RANBP9: variants seen among roughly 807,000 people sequenced by gnomAD.
RANBP9 encodes ran-binding protein 9.
In RANBP9, 15 loss-of-function variants were observed where a neutral mutation model predicts 84.3. That is an observed-to-expected ratio of 0.18 (90% CI 0.12 to 0.27). The LOEUF (loss-of-function observed/expected upper bound fraction) is 0.27, where lower values mean the gene tolerates loss of function less well. RANBP9 is among the 10% of genes least tolerant of loss of function. The probability of loss-of-function intolerance (pLI) is 1.00; values close to 1 mark genes in which losing one functional copy is unlikely to be tolerated. For synonymous variants in RANBP9, 392 were observed against 349.6 expected, an observed-to-expected ratio of 1.12 and a Z score of -1.35; for missense variants, 809 against 912.8, an observed-to-expected ratio of 0.89 and a Z score of 1.46.
intron 2 of RANBP9, among the ~76,000 whole-genome samples, chr6:13,662,213 CCATA>C (rs1232207459): frequency 6.6e-6 from 1 of 152,100 alleles, no homozygotes; most frequent in African/African-American, 2.4e-5. Context: ...AATCTATCAT[CCATA>C]CATAATGTGC....
chr6:13,638,030 T>C, intron 9 of RANBP9, 75 bp from the exon 10 acceptor site: 2 of 1,374,814 alleles, frequency 1.5e-6, no homozygotes, highest in Non-Finnish European at 1.9e-6. Context: ...AGTCTCCATG[T>C]TGATTTTGTA....
Position 13,696,950 on chromosome 6 carries a change from T to C in RANBP9, c.572-54A>G. ...GTCACATGAGATATTCACTGAAAGA[T>C]GAAAACCTTAAACAATTCAGGAACA... is the stretch of plus-strand genomic sequence containing the variant. On this transcript the variant is annotated intron_variant, in intron 1 of 13. Transcript: ENST00000011619. The C allele has an allele frequency of 2.1e-6, 3 of 1,427,844 alleles. No homozygotes were observed. In the South Asian group the frequency reaches 3.6e-5, roughly 17 times the overall value. The allele number at this position is 1,427,844 out of a possible 1,614,324, so 88.4% of individuals were successfully genotyped here.
At chr6:13,681,750 T>C (rs993371923) in intron 2 of RANBP9, among the ~76,000 whole-genome samples, 6 of 152,174 alleles carry the variant, frequency 3.9e-5, no homozygotes, top group African/African-American at 1.4e-4. Flanking sequence ...CGATGGCATA[T>C]TTGCTTCCAT....
Position 13,711,624 on chromosome 6 carries a change from C to G in RANBP9, c.-119G>C. ...GCGCCCAGTCCGCCCGCCCCGGAAG[C>G]AGGCGGCGGGCCGCGCGCCCAGGGA... On this transcript the variant is annotated 5_prime_UTR_variant, in exon 1 of 14. Coordinates refer to ENST00000011619, the MANE Select transcript of RANBP9 (RefSeq NM_005493.3). 7 of 1,001,008 alleles carry G rather than the reference C, an allele frequency of 7.0e-6. No individual in the cohort carries two copies. The highest frequency in any genetic ancestry group is 7.6e-6 in the Non-Finnish European group (6 of 793,628). The allele number at this position is 1,001,008 out of a possible 1,614,324, so 62.0% of individuals were successfully genotyped here.
chr6:13,695,164 T>A (rs1766411774), intron 2 of RANBP9, among the ~76,000 whole-genome samples: 1 of 152,080 alleles, frequency 6.6e-6, no homozygotes, highest in Admixed American at 6.6e-5. Context: ...GCAACAGATA[T>A]CTCAAAAAAC....
intron 2 of RANBP9, among the ~76,000 whole-genome samples, chr6:13,691,103 G>A (rs972431036): frequency 3.3e-5 from 5 of 151,412 alleles, no homozygotes; most frequent in Admixed American, 6.6e-5. Flanking sequence ...AGGAGACAGA[G>A]GTTGCAGTGA....
intron 2 of RANBP9, among the ~76,000 whole-genome samples, chr6:13,696,383 C>T (rs539474261): frequency 9.2e-5 from 14 of 152,186 alleles, no homozygotes; most frequent in African/African-American, 3.1e-4. Flanking sequence ...CATTTCCCAG[C>T]TGAAACCTAA....
At chr6:13,668,077 T>C (rs1486666119) in intron 2 of RANBP9, among the ~76,000 whole-genome samples, 1 of 151,586 alleles carries the variant, frequency 6.6e-6, no homozygotes, top group Non-Finnish European at 1.5e-5. Context: ...GCAAGAAAAA[T>C]AAAAGAAGAC....
chr6:13,628,362 A>G (rs1237384032), intron 12 of RANBP9, among the ~76,000 whole-genome samples: 1 of 152,224 alleles, frequency 6.6e-6, no homozygotes, highest in African/African-American at 2.4e-5. Context: ...CACACAGTAC[A>G]TTACTATTGA....
At chr6:13,680,335 A>T (rs1766005393) in intron 2 of RANBP9, among the ~76,000 whole-genome samples, 1 of 152,210 alleles carries the variant, frequency 6.6e-6, no homozygotes, top group Admixed American at 6.5e-5. Flanking sequence ...AGACATAGTC[A>T]AGTAATGGTT....
chr6:13,685,012 T>C (rs1209281926), intron 2 of RANBP9, among the ~76,000 whole-genome samples: 1 of 152,202 alleles, frequency 6.6e-6, no homozygotes, highest in Non-Finnish European at 1.5e-5. Context: ...TCACTAGTGA[T>C]TCCTTCTCCT....
chr6:13,657,638 T>C (rs1407748708), intron 3 of RANBP9, among the ~76,000 whole-genome samples: 1 of 152,184 alleles, frequency 6.6e-6, no homozygotes, highest in Non-Finnish European at 1.5e-5. Flanking sequence ...ACACGTTTTA[T>C]ATAACATAAG....
At chr6:13,703,777 A>G (rs144982083) in intron 1 of RANBP9, among the ~76,000 whole-genome samples, 2,608 of 152,336 alleles carry the variant, frequency 0.017, 80 homozygotes, top group African/African-American at 0.059. Flanking sequence ...AGTCATGACT[A>G]TTAAGACCAG....
chr6:13,639,590 C>T lies in RANBP9; in HGVS notation c.1498G>A (p.Gly500Ser). The T allele has an allele frequency of 6.2e-7, 1 of 1,611,690 alleles. No homozygotes were observed. The highest frequency in any genetic ancestry group is 8.5e-7 in the Non-Finnish European group (1 of 1,177,856). Residue 500 changes from glycine (G) to serine (S), a missense_variant, in exon 9 of 14, where the codon GGC becomes AGC. Gly to Ser is a moderately conservative substitution (Grantham distance 56, BLOSUM62 0). Coordinates refer to ENST00000011619, the MANE Select transcript of RANBP9 (RefSeq NM_005493.3). ...HGMNIHNLAS[G>S]KGSTAHFSGF... is the part of the protein sequence containing the mutation. ...GAAAAATGTGCGGTGCTTCCTTTGC[C>T]TGATGCTAAATTGTGGATATTCATT... is the stretch of plus-strand genomic sequence containing the variant.
intron 1 of RANBP9, among the ~76,000 whole-genome samples, chr6:13,700,929 G>A (rs992489880): frequency 2.0e-5 from 3 of 152,122 alleles, no homozygotes; most frequent in Non-Finnish European, 4.4e-5. Context: ...TACTTTTAGC[G>A]CATTGATTTT....
intron 6 of RANBP9, among the ~76,000 whole-genome samples, chr6:13,643,602 C>T (rs1765115470): frequency 6.6e-6 from 1 of 152,130 alleles, no homozygotes; most frequent in Non-Finnish European, 1.5e-5. Context: ...AACATCAAGT[C>T]AGTGAAGAAG....
intron 2 of RANBP9, among the ~76,000 whole-genome samples, chr6:13,685,368 C>CTA (rs755120982): frequency 1.2e-4 from 19 of 152,202 alleles, no homozygotes; most frequent in South Asian, 1.0e-3. Context: ...AAGAAACATA[C>CTA]TATAACTGCT....
chr6:13,625,100 C>T (rs1225719810), intron 13 of RANBP9, among the ~76,000 whole-genome samples: 1 of 152,304 alleles, frequency 6.6e-6, no homozygotes, highest in East Asian at 1.9e-4. Context: ...CATTTTCATT[C>T]TCTCCATCAA....
rs755912321 is a variant in RANBP9 at position 13,634,549 on chromosome 6, A to G, written c.1677T>C (p.Asn559=). 1.5e-5 allele frequency: 24 copies of G among 1,595,394 alleles called. No homozygotes were observed. Among genetic ancestry groups the G allele is most frequent in the Non-Finnish European group, 1.9e-5 (22 of 1,171,148 alleles). The change falls in exon 11 of 14, where the codon AAT becomes AAC. Residue 559 remains asparagine (N), a synonymous_variant. Transcript: ENST00000011619. The part of the protein sequence containing the change: ...RSQQVNNFTS[N]DVDMETDHYS... ...AGTGATCTGTTTCCATGTCTACATC[A>G]TTACTGAAAACGAAAAAACAAACCT...
Sources: gnomAD v4.1 joint callset for allele counts (sites outside exome capture counted in the v4.1 genomes callset) on GRCh38, gnomAD v4.1.1 for gene constraint, MANE v1.5 for transcripts, NCBI Gene and HGNC (gene_info 2026-07-23, HGNC 2026-07-21) for gene names.